The following ABCA10 variants were observed in gnomAD, a reference collection of about 807,000 sequenced individuals.
The protein encoded by ABCA10 is ATP-binding cassette sub-family A member 10.
ABCA10 carries 169 observed loss-of-function variants against 187.5 expected under a neutral mutation model. The observed-to-expected ratio is 0.90, with a 90% CI of 0.80 to 1.02. The LOEUF (loss-of-function observed/expected upper bound fraction) is 1.02, where lower values mean the gene tolerates loss of function less well. Ranked by LOEUF, ABCA10 falls within the 50% of genes least tolerant of loss-of-function variation. ABCA10 has a pLI of 0.00. For synonymous variants in ABCA10, 574 were observed against 601.8 expected (o/e 0.95, Z 0.68); for missense variants, 1,727 against 1,812.4 (o/e 0.95, Z 0.86).
At chr17:69,202,936 T>C (rs1418403522) in intron 9 of ABCA10, among the ~76,000 whole-genome samples, 1 of 152,186 alleles carries the variant, frequency 6.6e-6, no homozygotes, top group Non-Finnish European at 1.5e-5. Context: ...ATTAAAACAA[T>C]ACAGAATTTT....
chr17:69,177,974 A>ATATATATATATATATATGTTT (rs2074349168), intron 22 of ABCA10, among the ~76,000 whole-genome samples: 8 of 100,832 alleles, frequency 7.9e-5, no homozygotes, highest in African/African-American at 3.1e-4. Context: ...AAAAAAAAAA[A>ATATATATATATATATATGTTT]TATATATATA....
chr17:69,190,174 C>T (rs911226241), intron 18 of ABCA10, among the ~76,000 whole-genome samples, 184 bp downstream of exon 18: 2 of 151,612 alleles, frequency 1.3e-5, no homozygotes, highest in African/African-American at 2.4e-5. Context: ...TGATTATACT[C>T]GATATAAAAT....
intron 9 of ABCA10, among the ~76,000 whole-genome samples, chr17:69,208,700 GAAAGT>G (rs2074611887): frequency 6.6e-6 from 1 of 152,100 alleles, no homozygotes; most frequent in Admixed American, 6.5e-5. Flanking sequence ...AAAGCAATGA[GAAAGT>G]AGAGTAGAGC....
intron 9 of ABCA10, among the ~76,000 whole-genome samples, chr17:69,207,628 ATTATG>A (rs2074601685): frequency 2.6e-5 from 4 of 152,338 alleles, no homozygotes; most frequent in African/African-American, 9.6e-5. Flanking sequence ...CTGGAGATAC[ATTATG>A]TTAAGTAAAG....
intron 22 of ABCA10, chr17:69,178,853 C>T (rs1009488758): frequency 4.6e-5 from 7 of 152,142 alleles, no homozygotes; most frequent in South Asian, 4.2e-4. Flanking sequence ...CTTAACTTTC[C>T]TAAAGAAACA....
intron 25 of ABCA10, among the ~76,000 whole-genome samples, chr17:69,171,253 A>T (rs1304466913): frequency 1.3e-5 from 2 of 152,262 alleles, no homozygotes; most frequent in African/African-American, 4.8e-5. Context: ...TAAATCAAAT[A>T]TGAAATATAG....
chr17:69,195,882 G>A (rs911283203), intron 11 of ABCA10, among the ~76,000 whole-genome samples: 1 of 152,056 alleles, frequency 6.6e-6, no homozygotes, highest in African/African-American at 2.4e-5. Flanking sequence ...TGGGGGTAAG[G>A]CCATAGATTA....
At chr17:69,163,696 C>A (rs2074235364) in intron 27 of ABCA10, among the ~76,000 whole-genome samples, 1 of 152,088 alleles carries the variant, frequency 6.6e-6, no homozygotes, top group Non-Finnish European at 1.5e-5. Context: ...TTGTCTTTCC[C>A]CACTATAAAA....
At chr17:69,154,439 T>G in intron 30 of ABCA10, 113 bp from the exon 31 acceptor site, 1 of 733,846 alleles carries the variant, frequency 1.4e-6, no homozygotes. Flanking sequence ...TTTTTTTTTT[T>G]TCAGAGACAG....
intron 4 of ABCA10, among the ~76,000 whole-genome samples, 193 bp downstream of exon 4, chr17:69,222,337 CAAA>C (rs34320016): frequency 2.2e-5 from 3 of 135,616 alleles, no homozygotes; most frequent in Non-Finnish European, 1.6e-5. Flanking sequence ...GACTCCATCT[CAAA>C]AAAAAAAAAA....
At chr17:69,233,619 T>C (rs1401254045), upstream of ABCA10, 1 of 152,218 alleles carries the variant, frequency 6.6e-6, no homozygotes, top group Non-Finnish European at 1.5e-5. Context: ...TTCTTGATGC[T>C]TGTGGATGTG....
intron 9 of ABCA10, among the ~76,000 whole-genome samples, chr17:69,203,155 T>C (rs964976808): frequency 1.3e-4 from 20 of 152,192 alleles, no homozygotes; most frequent in African/African-American, 4.8e-4. Flanking sequence ...GAAATGTAAA[T>C]AGTATTGCAG....
At chr17:69,232,103 C>A (rs570782192), upstream of ABCA10, among the ~76,000 whole-genome samples, 1 of 152,070 alleles carries the variant, frequency 6.6e-6, no homozygotes, top group South Asian at 2.1e-4. Flanking sequence ...CTTTTTCCAT[C>A]TCTTCATTTT....
chr17:69,175,299 A>G (rs2074326073), intron 23 of ABCA10, 107 bp downstream of exon 23: 1 of 945,184 alleles, frequency 1.1e-6, no homozygotes, highest in Non-Finnish European at 1.6e-6. Context: ...ATGTATGTGT[A>G]AAAACATTAA....
Position 69,148,301 on chromosome 17 carries a change from A to G in ABCA10, c.*526T>C, listed in dbSNP as rs554168009. 1 of 152,560 alleles carries G rather than the reference A, an allele frequency of 6.6e-6. No individual in the cohort carries two copies. The highest frequency in any genetic ancestry group is 6.5e-5 in the Admixed American group (1 of 15,304). 9.5% of individuals were successfully genotyped at this position (152,560 alleles called of 1,614,324 possible). A position where few individuals can be genotyped will look rare whatever the true frequency, so the allele number is the denominator to read the frequency against. On this transcript the variant is annotated 3_prime_UTR_variant, in exon 39 of 39. Coordinates refer to ENST00000690296, the MANE Select transcript of ABCA10 (RefSeq NM_001377321.1). Reference sequence around the variant, plus strand: ...ACAGATTATGGCTATCTTCTTCCATATAACTTCAATATGTACTAAAATTCA... The same window carrying G: ...ACAGATTATGGCTATCTTCTTCCATGTAACTTCAATATGTACTAAAATTCA...
chr17:69,207,534 G>GAT (rs200057083), intron 9 of ABCA10, among the ~76,000 whole-genome samples: 2,191 of 150,296 alleles, frequency 0.015, 22 homozygotes, highest in East Asian at 0.027. Context: ...TTGTGAGATA[G>GAT]ATATATATAT....
chr17:69,204,150 G>T (rs1052740676), intron 9 of ABCA10, among the ~76,000 whole-genome samples: 2 of 152,140 alleles, frequency 1.3e-5, no homozygotes, highest in African/African-American at 4.8e-5. Context: ...CCTGTGCCAT[G>T]TACATTTGGA....
rs779397801 is a variant in ABCA10, at chr17:69,154,242, G to A, written c.3779C>T (p.Ala1260Val). The change falls in exon 31 of 39, where the codon GCA (alanine) becomes GTA (valine). Residue 1260 changes from alanine (A) to valine (V), a missense_variant. Coordinates refer to ENST00000690296, the MANE Select transcript of ABCA10 (RefSeq NM_001377321.1). The part of the protein sequence containing the change: ...KMITGCTKPT[A>V]GVVVLQGSRA... ...CCTTCACATGTCACATACCACTCCT[G>A]CAGTTGGCTTTGTGCACCCAGTTAT... 6.8e-6 allele frequency: 11 copies of A among 1,609,438 alleles called. No individual in the cohort carries two copies. The East Asian group carries it at 2.5e-4, about 36-fold the overall frequency.
chr17:69,229,255 C>G (rs958097393), upstream of ABCA10, among the ~76,000 whole-genome samples: 1 of 151,990 alleles, frequency 6.6e-6, no homozygotes, highest in African/African-American at 2.4e-5. Context: ...GTGGGGCTAA[C>G]AGGTGAAGTT....
Sources: gnomAD v4.1 joint callset for allele counts (sites outside exome capture counted in the v4.1 genomes callset) on GRCh38, gnomAD v4.1.1 for gene constraint, MANE v1.5 for transcripts, NCBI Gene and HGNC (gene_info 2026-07-23, HGNC 2026-07-21) for gene names.